The following PRRX1 variants were observed in gnomAD, a reference collection of about 807,000 sequenced individuals.
PRRX1 encodes paired related homeobox 1, also known as paired mesoderm homeobox protein 1.
PRRX1 carries 8 observed loss-of-function variants against 24.0 expected under a neutral mutation model. The ratio of observed to expected loss-of-function variants is 0.33; its 90% CI spans 0.20 to 0.60. PRRX1 has a LOEUF of 0.60. PRRX1 is among the 20% of genes least tolerant of loss of function. PRRX1 has a pLI of 0.82. For synonymous variants in PRRX1, 160 were observed against 131.7 expected, an observed-to-expected ratio of 1.22 and a Z score of -1.47; for missense variants, 281 against 322.4, an observed-to-expected ratio of 0.87 and a Z score of 0.98.
intron 1 of PRRX1, among the ~76,000 whole-genome samples, chr1:170,689,790 C>T (rs1056862243): frequency 7.7e-5 from 11 of 143,694 alleles, no homozygotes; most frequent in Non-Finnish European, 1.5e-4. Context: ...TCTGTAGAGC[C>T]GAACTGATGA....
rs754704137 is a variant in PRRX1 at position 170,726,387 on chromosome 1, A to C, written c.585A>C (p.Thr195=). 17 of 1,613,790 alleles carry C rather than the reference A, an allele frequency of 1.1e-5. No individual in the cohort carries two copies. Among genetic ancestry groups the C allele is most frequent in the Non-Finnish European group, 6.8e-6 (8 of 1,179,828 alleles). Residue 195 remains threonine, a synonymous_variant, in exon 3 of 4, where the codon ACA becomes ACC. Transcript: ENST00000239461. ...CCACCGATTATCTCTCCTGGGGGAC[A>C]GCGTCTCCGTACAGGTGAATGACTG... is the stretch of plus-strand genomic sequence containing the variant. ...PRPTDYLSWG[T]ASPYSAMATY...
At chr1:170,664,088 C>CCTCTCTCTCTCTCT (rs58408113), upstream of PRRX1, 8,963 of 663,856 alleles carry the variant, frequency 0.014, 81 homozygotes, top group African/African-American at 0.037. Context: ...CCTCTTCCTC[C>CCTCTCTCTCTCTCT]CTCTCTCTCT....
chr1:170,679,138 C>T (rs1027223636), intron 1 of PRRX1, among the ~76,000 whole-genome samples: 1 of 152,192 alleles, frequency 6.6e-6, no homozygotes, highest in Non-Finnish European at 1.5e-5. Flanking sequence ...CAAAGGAGTA[C>T]ATACAGCTTT....
At chr1:170,690,033 T>C (rs1285095110) in intron 1 of PRRX1, among the ~76,000 whole-genome samples, 1 of 151,964 alleles carries the variant, frequency 6.6e-6, no homozygotes, top group Non-Finnish European at 1.5e-5. Flanking sequence ...ATACAATATA[T>C]CGCTTGGAAA....
chr1:170,663,885 C>A (rs1194352335), upstream of PRRX1: 1 of 263,292 alleles, frequency 3.8e-6, no homozygotes, highest in African/African-American at 2.2e-5. Flanking sequence ...TTTTTTTCTC[C>A]TGACTTGAAC....
intron 1 of PRRX1, among the ~76,000 whole-genome samples, chr1:170,714,168 C>G (rs370061622): frequency 6.6e-6 from 1 of 152,330 alleles, no homozygotes; most frequent in East Asian, 1.9e-4. Flanking sequence ...CAAAGAAACT[C>G]AAATGAATGC....
upstream of PRRX1, chr1:170,662,844 A>G (rs1571305753): frequency 6.6e-6 from 1 of 152,138 alleles, no homozygotes; most frequent in East Asian, 1.9e-4. Context: ...AAAACATGCA[A>G]ATGAGATTTT....
At chr1:170,678,482 G>A (rs1030635324) in intron 1 of PRRX1, among the ~76,000 whole-genome samples, 4 of 152,208 alleles carry the variant, frequency 2.6e-5, no homozygotes, top group Non-Finnish European at 5.9e-5. Context: ...AAGAGAGAAG[G>A]GGCAGGTCAG....
chr1:170,682,951 A>T (rs1166874287), intron 1 of PRRX1, among the ~76,000 whole-genome samples: 1 of 152,236 alleles, frequency 6.6e-6, no homozygotes, highest in Non-Finnish European at 1.5e-5. Context: ...AGGCAGGAAC[A>T]AGCTTTATAG....
intron 1 of PRRX1, among the ~76,000 whole-genome samples, chr1:170,706,400 TAGAA>T (rs1481395131): frequency 3.3e-5 from 5 of 152,304 alleles, no homozygotes; most frequent in Admixed American, 1.3e-4. Flanking sequence ...AATTTAAAAT[TAGAA>T]AGAGTTATTA....
chr1:170,722,810 A>AAT (rs972106610), intron 2 of PRRX1: 11 of 152,228 alleles, frequency 7.2e-5, no homozygotes, highest in African/African-American at 2.7e-4. Flanking sequence ...TTTGAAAAAA[A>AAT]TATATGGGCT....
At chr1:170,692,705 T>C (rs889065228) in intron 1 of PRRX1, among the ~76,000 whole-genome samples, 6 of 143,708 alleles carry the variant, frequency 4.2e-5, no homozygotes, top group Non-Finnish European at 9.1e-5. Context: ...CTTAACGAAC[T>C]AACAAATCCT....
intron 1 of PRRX1, among the ~76,000 whole-genome samples, chr1:170,708,472 A>T (rs930619019): frequency 6.6e-6 from 1 of 152,190 alleles, no homozygotes; most frequent in African/African-American, 2.4e-5. Context: ...TGAATTAGCC[A>T]GGCTTTTGCC....
chr1:170,706,751 G>A (rs930593378), intron 1 of PRRX1, among the ~76,000 whole-genome samples: 7 of 152,230 alleles, frequency 4.6e-5, no homozygotes, highest in African/African-American at 7.2e-5. Context: ...ACCTATATTC[G>A]TATCACTTGG....
At position 170,738,563 on chromosome 1, in the gene PRRX1, A is replaced by G; in HGVS notation, c.*2377A>G. 1 of 228,718 alleles carries G rather than the reference A, an allele frequency of 4.4e-6. No individual in the cohort carries two copies. The highest frequency in any genetic ancestry group is 6.3e-5 in the East Asian group (1 of 15,960). 14.2% of individuals were successfully genotyped at this position (228,718 alleles called of 1,614,324 possible). A position where few individuals can be genotyped will look rare whatever the true frequency, so the allele number is the denominator to read the frequency against. On this transcript the variant is annotated 3_prime_UTR_variant, in exon 4 of 4. Transcript: ENST00000239461. Reference sequence around the variant, plus strand: ...TTATCAAGTTTTGAAGGAACTGTACATCCCAACAGACTGAAACATTCTAAG... The same window carrying G: ...TTATCAAGTTTTGAAGGAACTGTACGTCCCAACAGACTGAAACATTCTAAG...
chr1:170,698,373 T>A (rs1364102694), intron 1 of PRRX1, among the ~76,000 whole-genome samples: 1 of 152,106 alleles, frequency 6.6e-6, no homozygotes, highest in Non-Finnish European at 1.5e-5. Flanking sequence ...TTTAAAAAAA[T>A]TAAAAACTGA....
chr1:170,717,038 G>A lies in PRRX1; in HGVS notation c.242-2688G>A, dbSNP rs116692429. Reference sequence around the variant, plus strand: ...GAGCTGTCTCTGTTGCCCGCTCATCGTCTCTTTCTATTATACTTGCACTCT... The same window carrying A: ...GAGCTGTCTCTGTTGCCCGCTCATCATCTCTTTCTATTATACTTGCACTCT... On this transcript the variant is annotated intron_variant, in intron 1 of 3. Coordinates refer to ENST00000239461, the MANE Select transcript of PRRX1 (RefSeq NM_022716.4). 5.1e-3 allele frequency among the ~76,000 whole-genome samples: 776 copies of A among 152,268 alleles called. 10 individuals carry two copies. The highest frequency in any genetic ancestry group is 0.017 in the African/African-American group (691 of 41,562).
At chr1:170,683,455 TAGTCTCATCTTTTCTC>T (rs148838048) in intron 1 of PRRX1, among the ~76,000 whole-genome samples, 3,370 of 152,262 alleles carry the variant, frequency 0.022, 143 homozygotes, top group African/African-American at 0.076. Context: ...TCATCTTTCT[TAGTCTCATCTTTTCTC>T]AGTCTCATCT....
intron 1 of PRRX1, among the ~76,000 whole-genome samples, chr1:170,692,039 T>C (rs1224323105): frequency 6.6e-6 from 1 of 152,042 alleles, no homozygotes; most frequent in African/African-American, 2.4e-5. Context: ...ACTTAAGAGG[T>C]CATATATGGG....
Sources: allele counts gnomAD v4.1 joint callset (sites outside exome capture counted in the v4.1 genomes callset), GRCh38; gene constraint gnomAD v4.1.1; transcripts MANE v1.5; gene names NCBI Gene and HGNC (gene_info 2026-07-23, HGNC 2026-07-21).